The following ROBO2 variants were observed in gnomAD, a reference collection of about 807,000 sequenced individuals.
ROBO2 encodes the protein roundabout guidance receptor 2, also known as roundabout homolog 2.
ROBO2 carries 53 observed loss-of-function variants against 160.8 expected under a neutral mutation model. That is an observed-to-expected ratio of 0.33 (90% CI 0.26 to 0.41). The LOEUF (loss-of-function observed/expected upper bound fraction) is 0.41, where lower values mean the gene tolerates loss of function less well. ROBO2 is among the 10% of genes least tolerant of loss of function. The pLI, the probability that ROBO2 is intolerant of heterozygous loss-of-function variation, is 1.00. For synonymous variants in ROBO2, 664 were observed against 611.7 expected (o/e 1.09, Z -1.26); for missense variants, 1,577 against 1,722.4 (o/e 0.92, Z 1.49).
At chr3:76,958,632 G>A (rs1330022858) in intron 2 of ROBO2, among the ~76,000 whole-genome samples, 1 of 152,156 alleles carries the variant, frequency 6.6e-6, no homozygotes, top group Non-Finnish European at 1.5e-5. Context: ...CTTACCAGGA[G>A]GCAATTGCCA....
chr3:77,297,066 A>G (rs2062213129), intron 2 of ROBO2, among the ~76,000 whole-genome samples: 1 of 152,082 alleles, frequency 6.6e-6, no homozygotes, highest in Non-Finnish European at 1.5e-5. Flanking sequence ...GAGTTATCAC[A>G]AAGTTGGAAA....
At chr3:76,048,190 T>TA (rs941391376) in intron 2 of ROBO2, among the ~76,000 whole-genome samples, 18 of 151,890 alleles carry the variant, frequency 1.2e-4, no homozygotes, top group African/African-American at 3.9e-4. Flanking sequence ...TTTTTTATGC[T>TA]AAAAAAAAGA....
intron 2 of ROBO2, among the ~76,000 whole-genome samples, chr3:76,030,600 C>T (rs2107705530): frequency 6.6e-6 from 1 of 152,236 alleles, no homozygotes; most frequent in South Asian, 2.1e-4. Context: ...GCCAGTTTTC[C>T]CAGCAACATT....
At chr3:76,570,236 C>A (rs1226965079) in intron 2 of ROBO2, among the ~76,000 whole-genome samples, 3 of 152,136 alleles carry the variant, frequency 2.0e-5, no homozygotes, top group Non-Finnish European at 2.9e-5. Flanking sequence ...GGAGCTATTG[C>A]TTTTTTCCAG....
chr3:77,323,048 A>ATC, intron 2 of ROBO2, among the ~76,000 whole-genome samples: 1 of 115,558 alleles, frequency 8.7e-6, no homozygotes, highest in African/African-American at 3.7e-5. Flanking sequence ...ATTATGGATA[A>ATC]TATAATATAT....
At chr3:76,192,707 G>A (rs1213839687) in intron 2 of ROBO2, among the ~76,000 whole-genome samples, 1 of 151,952 alleles carries the variant, frequency 6.6e-6, no homozygotes, top group Non-Finnish European at 1.5e-5. Flanking sequence ...CTTCTGAATT[G>A]TGATAACTTC....
In ROBO2 at chr3:76,837,415, G is replaced by C. The variant is rs993261512; in HGVS notation, c.110-260599G>C. ...TTAATTCATGTAAATTAAAATATTTGTATTGAAAGAGTTGAGGTTTTTAAA... is the reference window on the plus strand; with the variant it reads ...TTAATTCATGTAAATTAAAATATTTCTATTGAAAGAGTTGAGGTTTTTAAA... On this transcript the variant is annotated intron_variant, in intron 2 of 26. Coordinates refer to the ROBO2 transcript ENST00000487694. Among the ~76,000 whole-genome samples, 6 of 151,782 alleles carry C rather than the reference G, an allele frequency of 4.0e-5. 1 individual carries two copies. The Middle Eastern group carries it at 0.01, about 258-fold the overall frequency.
intron 2 of ROBO2, among the ~76,000 whole-genome samples, chr3:75,978,797 G>T (rs553171112): frequency 2.0e-5 from 3 of 151,572 alleles, no homozygotes; most frequent in African/African-American, 7.2e-5. Context: ...TTAAAGTGAG[G>T]TTTTGCTACA....
intron 2 of ROBO2, among the ~76,000 whole-genome samples, chr3:77,261,768 ATTTTTTT>A (rs10710219): frequency 5.2e-5 from 7 of 135,614 alleles, no homozygotes; most frequent in Non-Finnish European, 9.5e-5. Context: ...TTCTGATTTC[ATTTTTTT>A]TTTTTTTTTT....
chr3:77,488,794 A>G (rs1305219548), intron 4 of ROBO2, among the ~76,000 whole-genome samples: 1 of 152,202 alleles, frequency 6.6e-6, no homozygotes, highest in Non-Finnish European at 1.5e-5. Context: ...GATCCAACGC[A>G]TTTGAAATAC....
chr3:75,981,205 A>G (rs2065264785), intron 2 of ROBO2, among the ~76,000 whole-genome samples: 1 of 151,538 alleles, frequency 6.6e-6, no homozygotes, highest in South Asian at 2.1e-4. Context: ...CACAGTGGTG[A>G]AGAAATTGGG....
intron 2 of ROBO2, among the ~76,000 whole-genome samples, chr3:77,237,132 C>A (rs2088118074): frequency 6.6e-6 from 1 of 151,004 alleles, no homozygotes; most frequent in South Asian, 2.1e-4. Flanking sequence ...CTTAGACTCC[C>A]AAAGTGCTGG....
intron 2 of ROBO2, among the ~76,000 whole-genome samples, chr3:76,405,396 T>C (rs1156241506): frequency 1.3e-5 from 2 of 151,628 alleles, no homozygotes; most frequent in Non-Finnish European, 3.0e-5. Flanking sequence ...TCTAGATACA[T>C]ATGATTTTGG....
intron 14 of ROBO2, among the ~76,000 whole-genome samples, chr3:77,577,175 A>G (rs1487753523): frequency 6.6e-6 from 1 of 152,018 alleles, no homozygotes; most frequent in East Asian, 1.9e-4. Flanking sequence ...AGTTGTTTCT[A>G]CCTCCTGAGA....
chr3:76,013,604 G>A (rs2066281903), intron 2 of ROBO2, among the ~76,000 whole-genome samples: 1 of 151,664 alleles, frequency 6.6e-6, no homozygotes, highest in South Asian at 2.1e-4. Context: ...TGTAATCCCA[G>A]AAGTAATATG....
In ROBO2 at chr3:76,792,378, G is replaced by A. The variant is rs142290546; in HGVS notation, c.110-305636G>A. On this transcript the variant is annotated intron_variant, in intron 2 of 26. Coordinates refer to the ROBO2 transcript ENST00000487694. ...ATCCCCTAATTTTGGTATCCTCGGG[G>A]GTCCTGGGACCCATCCCCTGCAGAT... is the stretch of plus-strand genomic sequence containing the variant. Among the ~76,000 whole-genome samples the A allele has an allele frequency of 4.5e-4, 69 of 151,696 alleles. 1 individual carries two copies. The highest frequency in any genetic ancestry group is 1.6e-3 in the African/African-American group (66 of 41,440).
intron 1 of ROBO2, among the ~76,000 whole-genome samples, chr3:77,080,993 T>C (rs2068593857): frequency 6.6e-6 from 1 of 152,178 alleles, no homozygotes; most frequent in African/African-American, 2.4e-5. Flanking sequence ...GAGTGGTATT[T>C]TTCCTCCTTG....
At chr3:77,216,525 G>C (rs1580081760) in intron 2 of ROBO2, among the ~76,000 whole-genome samples, 1 of 152,154 alleles carries the variant, frequency 6.6e-6, no homozygotes, top group Admixed American at 6.5e-5. Context: ...TGTGCTTCCT[G>C]GGTGAGGCGA....
In ROBO2 at chr3:77,131,098, C is replaced by G. The variant is rs534628227; in HGVS notation, c.388+32758C>G. ...ATGGCATTAATGGGACTGAGATGTA[C>G]AGATCCAGCATATTCTCTATGTGGG... On this transcript the variant is annotated intron_variant, in intron 2 of 25. Coordinates refer to ENST00000461745, the Ensembl canonical transcript of ROBO2. 7.2e-5 allele frequency among the ~76,000 whole-genome samples: 11 copies of G among 152,224 alleles called. No homozygotes were observed. The East Asian group carries it at 2.1e-3, about 29-fold the overall frequency.
Sources: allele counts gnomAD v4.1 joint callset (sites outside exome capture counted in the v4.1 genomes callset), GRCh38; gene constraint gnomAD v4.1.1; transcripts MANE v1.5; gene names NCBI Gene and HGNC (gene_info 2026-07-23, HGNC 2026-07-21).